The following NIPBL variants were observed in gnomAD, a reference collection of about 807,000 sequenced individuals.
NIPBL encodes the protein NIPBL cohesin loading factor, also known as nipped-B-like protein.
NIPBL carries 19 observed loss-of-function variants against 321.8 expected under a neutral mutation model. That is an observed-to-expected ratio of 0.06 (90% CI 0.04 to 0.09). The LOEUF is 0.09. Among genes scored for constraint, NIPBL ranks in the 10% least tolerant of loss-of-function variants. The pLI, the probability that NIPBL is intolerant of heterozygous loss-of-function variation, is 1.00. For synonymous variants in NIPBL, 1,106 were observed against 1,114.1 expected, an observed-to-expected ratio of 0.99 and a Z score of 0.14; for missense variants, 2,210 against 3,327.0, an observed-to-expected ratio of 0.66 and a Z score of 8.26.
At chr5:37,005,037 A>T (rs997793229) in intron 16 of NIPBL, among the ~76,000 whole-genome samples, 4 of 152,154 alleles carry the variant, frequency 2.6e-5, no homozygotes, top group Non-Finnish European at 4.4e-5. Context: ...GCAGCCCAAC[A>T]CAAATTCGTA....
In NIPBL at chr5:37,052,578, A is replaced by C. The variant is rs749956203; in HGVS notation, c.7263+12A>C. On this transcript the variant is annotated intron_variant, in intron 42 of 46. Transcript: ENST00000282516. ...TTGATGACACAGCAGTAAGCACAAA[A>C]ACTTATTATTTTAAGAAAATAAGTG... is the stretch of plus-strand genomic sequence containing the variant. The C allele has an allele frequency of 2.5e-6, 4 of 1,608,294 alleles. No individual in the cohort carries two copies. The highest frequency in any genetic ancestry group is 3.4e-6 in the Non-Finnish European group (4 of 1,175,140).
intron 1 of NIPBL, chr5:36,885,909 A>C: frequency 1.4e-6 from 1 of 736,912 alleles, no homozygotes; most frequent in Non-Finnish European, 2.5e-6. Context: ...TTGACCGTGA[A>C]GGTAGATGCT....
chr5:37,025,202 G>A (rs1252461314), intron 30 of NIPBL, among the ~76,000 whole-genome samples: 1 of 152,192 alleles, frequency 6.6e-6, no homozygotes, highest in Non-Finnish European at 1.5e-5. Flanking sequence ...GCAGTGAGCT[G>A]TAATCTTGCC....
At chr5:36,911,155 A>G (rs1748018595) in intron 1 of NIPBL, among the ~76,000 whole-genome samples, 1 of 152,176 alleles carries the variant, frequency 6.6e-6, no homozygotes, top group Non-Finnish European at 1.5e-5. Context: ...AATTTCTCAT[A>G]TGGAGGATGT....
chr5:36,926,459 C>T (rs915544273), intron 1 of NIPBL, among the ~76,000 whole-genome samples: 6 of 152,126 alleles, frequency 3.9e-5, no homozygotes, highest in Non-Finnish European at 7.4e-5. Context: ...CTCGATTCAG[C>T]GGAGACATCA....
intron 1 of NIPBL, among the ~76,000 whole-genome samples, chr5:36,952,116 CTTATAT>C (rs1740452821): frequency 1.4e-5 from 2 of 147,680 alleles, no homozygotes; most frequent in South Asian, 2.2e-4. Flanking sequence ...TGCAATAGGT[CTTATAT>C]TTATAATAAT....
At chr5:36,984,575 T>A in intron 9 of NIPBL, 101 bp from the exon 10 acceptor site, 1 of 1,095,208 alleles carries the variant, frequency 9.1e-7, no homozygotes, top group Non-Finnish European at 1.3e-6. Context: ...TACTCCATTT[T>A]AAAAACATAA....
intron 44 of NIPBL, 105 bp from the exon 45 acceptor site, chr5:37,060,739 G>T: frequency 1.0e-6 from 1 of 952,884 alleles, no homozygotes. Context: ...AAATAGACAT[G>T]AGAAACTAAT....
intron 1 of NIPBL, among the ~76,000 whole-genome samples, chr5:36,898,699 T>TG (rs1443291930): frequency 1.3e-5 from 2 of 152,062 alleles, no homozygotes; most frequent in African/African-American, 2.4e-5. Context: ...TTAGCAGAGA[T>TG]GGGGTTTCTC....
intron 32 of NIPBL, among the ~76,000 whole-genome samples, chr5:37,028,780 C>T (rs1580520338): frequency 6.6e-6 from 1 of 151,992 alleles, no homozygotes; most frequent in Non-Finnish European, 1.5e-5. Context: ...ATAACTAATA[C>T]CTATTCAGTG....
Position 37,036,504 on chromosome 5 carries a change from A to G in NIPBL, c.5971+17A>G. 9.5e-7 allele frequency: 1 copy of G among 1,054,022 alleles called. No individual in the cohort carries two copies. The highest frequency in any genetic ancestry group is 1.7e-5 in the South Asian group (1 of 58,228). The allele number at this position is 1,054,022 out of a possible 1,614,324, so 65.3% of individuals were successfully genotyped here. A position where few individuals can be genotyped will look rare whatever the true frequency, so the allele number is the denominator to read the frequency against. On this transcript the variant is annotated intron_variant, in intron 33 of 46. Transcript: ENST00000282516. ...CTCTAGCTGGTAAGACATTTTATAT[A>G]TATATTGATCTTTAGTTGATTTTAT... is the stretch of plus-strand genomic sequence containing the variant.
chr5:37,058,210 T>C (rs944114137), intron 43 of NIPBL, among the ~76,000 whole-genome samples: 1 of 152,226 alleles, frequency 6.6e-6, no homozygotes, highest in African/African-American at 2.4e-5. Flanking sequence ...TCCACAGATG[T>C]TAATGTGCAC....
intron 10 of NIPBL, among the ~76,000 whole-genome samples, chr5:36,990,941 T>C (rs149481290): frequency 6.4e-4 from 97 of 152,166 alleles, no homozygotes; most frequent in Non-Finnish European, 1.1e-3. Flanking sequence ...TAAGACCCTG[T>C]GCCTATTTAT....
At chr5:37,039,457 A>G (rs1579536023) in intron 34 of NIPBL, among the ~76,000 whole-genome samples, 1 of 151,984 alleles carries the variant, frequency 6.6e-6, no homozygotes, top group Non-Finnish European at 1.5e-5. Context: ...TTATCCATCA[A>G]ATAAAGATTT....
intron 1 of NIPBL, among the ~76,000 whole-genome samples, chr5:36,926,399 C>T (rs1360107072): frequency 6.6e-6 from 1 of 152,134 alleles, no homozygotes; most frequent in Non-Finnish European, 1.5e-5. Flanking sequence ...AGAATAGTTC[C>T]AGATGGCTTT....
intron 32 of NIPBL, among the ~76,000 whole-genome samples, chr5:37,031,846 G>A (rs554698411): frequency 2.2e-4 from 33 of 152,258 alleles, no homozygotes; most frequent in African/African-American, 4.1e-4. Flanking sequence ...GAAGCCTTAC[G>A]TAGAAGAGTA....
At chr5:36,918,353 GT>G (rs1748643044) in intron 1 of NIPBL, among the ~76,000 whole-genome samples, 1 of 152,126 alleles carries the variant, frequency 6.6e-6, no homozygotes, top group South Asian at 2.1e-4. Flanking sequence ...AAGAATGCTT[GT>G]GATTTTTGCA....
intron 1 of NIPBL, among the ~76,000 whole-genome samples, chr5:36,915,718 A>G (rs1423058593): frequency 6.6e-6 from 1 of 152,168 alleles, no homozygotes; most frequent in Non-Finnish European, 1.5e-5. Context: ...AATAGCTTTC[A>G]TGTTTAATCT....
intron 11 of NIPBL, among the ~76,000 whole-genome samples, chr5:36,998,987 T>C (rs1746474529): frequency 6.6e-6 from 1 of 152,172 alleles, no homozygotes; most frequent in Non-Finnish European, 1.5e-5. Context: ...TATCCAAGCC[T>C]GTGACTGTAA....
Sources: gnomAD v4.1 joint callset for allele counts (sites outside exome capture counted in the v4.1 genomes callset) on GRCh38, gnomAD v4.1.1 for gene constraint, MANE v1.5 for transcripts, NCBI Gene and HGNC (gene_info 2026-07-23, HGNC 2026-07-21) for gene names.